The following COL4A5 variants were observed in gnomAD, a reference collection of about 807,000 sequenced individuals.
COL4A5 encodes the protein collagen alpha-5(IV) chain.
COL4A5 carries 26 observed loss-of-function variants against 130.2 expected under a neutral mutation model. The observed-to-expected ratio is 0.20, with a 90% CI of 0.15 to 0.28. COL4A5 has a LOEUF of 0.28. Among genes scored for constraint, COL4A5 ranks in the 10% least tolerant of loss-of-function variants. The probability of loss-of-function intolerance (pLI) is 1.00; values close to 1 mark genes in which losing one functional copy is unlikely to be tolerated. For missense variants in COL4A5, 1,131 were observed against 1,344.3 expected (o/e 0.84, Z 2.48); for synonymous variants, 496 against 439.6 (o/e 1.13, Z -1.60).
In COL4A5 at chrX:108,473,633, A is replaced by ATATATATATATTTT; in HGVS notation, c.81+33428_81+33429insATATATATATTTTT. On this transcript the variant is annotated intron_variant, in intron 1 of 52. Coordinates refer to ENST00000328300, the MANE Select transcript of COL4A5 (RefSeq NM_033380.3). ...TATATGTATATATATATATATATATATTTTTTTTTTTTTGAGATGAAGTCT... is the reference window on the plus strand; with the variant it reads ...TATATGTATATATATATATATATATATATATATATATTTTTTTTTTTTTTTTTGAGATGAAGTCT... Among the ~76,000 whole-genome samples the ATATATATATATTTT allele has an allele frequency of 1.6e-3, 56 of 34,550 alleles. 1 individual carries two copies. The highest frequency in any genetic ancestry group is 3.1e-3 in the African/African-American group (29 of 9,269). The allele number at this position is 34,550 out of a possible 115,157, so 30.0% of individuals were successfully genotyped here.
intron 37 of COL4A5, among the ~76,000 whole-genome samples, chrX:108,662,791 A>G (rs1465488126): frequency 8.9e-6 from 1 of 112,261 alleles, no homozygotes; most frequent in East Asian, 2.8e-4. Context: ...GCCCAAAGTA[A>G]TTTATAGATT....
At chrX:108,462,542 A>G (rs1403267909) in intron 1 of COL4A5, 1 of 111,081 alleles carries the variant, frequency 9.0e-6, no homozygotes, top group African/African-American at 3.3e-5. Context: ...CCTCCTATGT[A>G]GCTGGGATTA....
intron 1 of COL4A5, among the ~76,000 whole-genome samples, chrX:108,533,011 A>AT (rs1449917182): frequency 3.6e-5 from 4 of 111,672 alleles, no homozygotes; most frequent in Non-Finnish European, 7.6e-5. Flanking sequence ...TGCCAATGCA[A>AT]TTTTTTCACA....
At chrX:108,602,485 T>C (rs766872856) in intron 27 of COL4A5, among the ~76,000 whole-genome samples, 2 of 112,733 alleles carry the variant, frequency 1.8e-5, no homozygotes, top group Non-Finnish European at 3.7e-5. Context: ...GAGCACACAG[T>C]GGTCTGAGGA....
chrX:108,487,421 A>AGAG (rs1337900831), intron 1 of COL4A5, among the ~76,000 whole-genome samples: 2 of 108,933 alleles, frequency 1.8e-5, no homozygotes, highest in African/African-American at 6.7e-5. Context: ...GAAAAGAAGA[A>AGAG]GTGTTCCCTT....
Position 108,591,122 on chromosome X carries a change from T to C in COL4A5, c.1230T>C (p.Asp410=), listed in dbSNP as rs1389162224. Residue 410 remains aspartate (D), a synonymous_variant, in exon 20 of 53, where the codon GAT becomes GAC. Transcript: ENST00000328300. ...CTGGAGAAAGGGGTCAGAAAGGTGA[T>C]GAAGGACCACCTGGAATTTCCATTC... ...GFPGERGQKG[D]EGPPGISIPG... The C allele has an allele frequency of 1.7e-6, 2 of 1,210,173 alleles. No homozygotes were observed. The highest frequency in any genetic ancestry group is 2.2e-6 in the Non-Finnish European group (2 of 895,040).
At position 108,650,923 on chromosome X, in the gene COL4A5, T is replaced by C. The variant is rs185187538; in HGVS notation, c.3247-4408T>C. On this transcript the variant is annotated intron_variant, in intron 36 of 52. Coordinates refer to ENST00000328300, the MANE Select transcript of COL4A5 (RefSeq NM_033380.3). ...CTACCACCTGTACCCCAATAACTTA[T>C]GGAAAAATTAAAAAAAACAAGCAAA... Among the ~76,000 whole-genome samples, 20 of 110,275 alleles carry C rather than the reference T, an allele frequency of 1.8e-4. No individual in the cohort carries two copies. The East Asian group carries it at 5.7e-3, about 31-fold the overall frequency.
intron 4 of COL4A5, among the ~76,000 whole-genome samples, chrX:108,565,746 T>C (rs2065957702): frequency 8.9e-6 from 1 of 111,802 alleles, no homozygotes; most frequent in East Asian, 2.8e-4. Flanking sequence ...TTCCTCATGA[T>C]GTCATTTAAA....
chrX:108,445,136 T>TA (rs2064439947), intron 1 of COL4A5, among the ~76,000 whole-genome samples: 4 of 111,607 alleles, frequency 3.6e-5, no homozygotes, highest in Admixed American at 2.9e-4. Flanking sequence ...TTTATTGACT[T>TA]ACCATTTCTT....
rs111238631 is a variant in COL4A5, at chrX:108,447,764, G to A, written c.81+7558G>A. ...TCTCTAATGATTTTCTTTTACAAAT[G>A]TAATCATTCCATCATCTCATCCCCT... On this transcript the variant is annotated intron_variant, in intron 1 of 52. Transcript: ENST00000328300. Among the ~76,000 whole-genome samples, 669 of 111,753 alleles carry A rather than the reference G, an allele frequency of 6.0e-3. 2 individuals carry two copies. Among genetic ancestry groups the A allele is most frequent in the East Asian group, 0.035 (125 of 3,560 alleles).
intron 21 of COL4A5, among the ~76,000 whole-genome samples, chrX:108,594,739 A>G (rs1176360458): frequency 1.8e-5 from 2 of 109,478 alleles, no homozygotes; most frequent in Non-Finnish European, 3.8e-5. Flanking sequence ...AATCAAGTCT[A>G]TCCTGACTAC....
chrX:108,559,176 G>A (rs372023171), intron 3 of COL4A5, 23 bp downstream of exon 3: 2 of 1,108,656 alleles, frequency 1.8e-6, no homozygotes, highest in African/African-American at 3.6e-5. Context: ...TTGCCAACCA[G>A]TAATGCCAGA....
At chrX:108,675,561 C>T (rs2068287452) in intron 43 of COL4A5, among the ~76,000 whole-genome samples, 2 of 111,218 alleles carry the variant, frequency 1.8e-5, no homozygotes, top group Admixed American at 1.9e-4. Context: ...TAAACCTTTT[C>T]GTTATGATTG....
At chrX:108,545,429 T>C (rs2065631076) in intron 2 of COL4A5, among the ~76,000 whole-genome samples, 2 of 111,976 alleles carry the variant, frequency 1.8e-5, no homozygotes, top group African/African-American at 6.5e-5. Context: ...TCAGTGAGTT[T>C]CTTAATCCTG....
intron 1 of COL4A5, among the ~76,000 whole-genome samples, chrX:108,527,158 A>G (rs779713527): frequency 1.8e-5 from 2 of 111,283 alleles, no homozygotes; most frequent in Non-Finnish European, 3.8e-5. Flanking sequence ...ATTTACACTT[A>G]ATTACACTTA....
In COL4A5 at chrX:108,612,764, T is replaced by G. The variant is rs190729573; in HGVS notation, c.2396-2147T>G. The stretch of plus-strand genomic sequence containing the variant: ...TCTCAAGGAGAACACACAATTTTTC[T>G]TCTAAAATTTATATGGAAAAACAAA... On this transcript the variant is annotated intron_variant, in intron 29 of 52. Coordinates refer to ENST00000328300, the MANE Select transcript of COL4A5 (RefSeq NM_033380.3). Among the ~76,000 whole-genome samples, 3 of 112,128 alleles carry G rather than the reference T, an allele frequency of 2.7e-5. No homozygotes were observed. The Admixed American group carries it at 2.8e-4, about 11-fold the overall frequency.
chrX:108,518,706 G>T (rs1313938657), intron 1 of COL4A5, among the ~76,000 whole-genome samples: 1 of 111,299 alleles, frequency 9.0e-6, no homozygotes, highest in Non-Finnish European at 1.9e-5. Flanking sequence ...AACTACATCA[G>T]TATCGATGAA....
At chrX:108,547,149 T>A (rs2147686636) in intron 2 of COL4A5, among the ~76,000 whole-genome samples, 1 of 112,559 alleles carries the variant, frequency 8.9e-6, no homozygotes, top group East Asian at 2.8e-4. Flanking sequence ...CTGTTGCTGG[T>A]GAGGAGCTGC....
chrX:108,693,077 A>G (rs1001772047), intron 50 of COL4A5, 152 bp downstream of exon 50: 7 of 671,646 alleles, frequency 1.0e-5, no homozygotes, highest in Non-Finnish European at 1.6e-5. Flanking sequence ...AGTTTGACTC[A>G]TATTTATTGG....
Sources: allele counts gnomAD v4.1 joint callset (sites outside exome capture counted in the v4.1 genomes callset), GRCh38; gene constraint gnomAD v4.1.1; transcripts MANE v1.5; gene names NCBI Gene and HGNC (gene_info 2026-07-23, HGNC 2026-07-21).